LRMDA: variants seen among roughly 807,000 people sequenced by gnomAD.
The protein encoded by LRMDA is leucine-rich melanocyte differentiation-associated protein.
A neutral mutation model predicts 29.8 loss-of-function variants in LRMDA; 18 were observed. That is an observed-to-expected ratio of 0.60 (90% confidence interval 0.42 to 0.90). The LOEUF (loss-of-function observed/expected upper bound fraction) is 0.90. Among genes scored for constraint, LRMDA ranks in the 40% least tolerant of loss-of-function variants. LRMDA has a pLI of 0.00. For missense variants in LRMDA, 273 were observed against 273.9 expected (o/e 1.00, Z 0.02); for synonymous variants, 125 against 109.4 (o/e 1.14, Z -0.89).
intron 2 of LRMDA, among the ~76,000 whole-genome samples, chr10:75,604,373 C>T (rs879859127): frequency 1.3e-5 from 2 of 152,096 alleles, no homozygotes; most frequent in Non-Finnish European, 2.9e-5. Flanking sequence ...GGCCAGAATG[C>T]TTTTCAGACC....
At chr10:75,754,451 A>G (rs1030065919) in intron 2 of LRMDA, among the ~76,000 whole-genome samples, 30 of 152,258 alleles carry the variant, frequency 2.0e-4, no homozygotes, top group Admixed American at 6.5e-5. Context: ...CCCAGCATAT[A>G]ATACAAGTTG....
chr10:76,532,590 A>G (rs1589227461), intron 6 of LRMDA, among the ~76,000 whole-genome samples: 1 of 152,160 alleles, frequency 6.6e-6, no homozygotes, highest in Non-Finnish European at 1.5e-5. Flanking sequence ...TGGTTGTGTG[A>G]TGGGTAGTGC....
intron 2 of LRMDA, among the ~76,000 whole-genome samples, chr10:76,029,884 C>T (rs1441284660): frequency 3.3e-5 from 5 of 152,082 alleles, no homozygotes; most frequent in Admixed American, 3.3e-4. Context: ...AGTCATGTAA[C>T]CACTACTTCT....
At chr10:76,174,272 C>T (rs1850892196) in intron 5 of LRMDA, among the ~76,000 whole-genome samples, 1 of 151,860 alleles carries the variant, frequency 6.6e-6, no homozygotes, top group East Asian at 1.9e-4. Flanking sequence ...TATACACCTA[C>T]CATTACCCAC....
chr10:75,710,264 C>G (rs1295668944), intron 2 of LRMDA, among the ~76,000 whole-genome samples: 1 of 152,196 alleles, frequency 6.6e-6, no homozygotes, highest in Non-Finnish European at 1.5e-5. Context: ...CAGCAGGCCC[C>G]AAAGTGTCAT....
At chr10:76,386,852 G>A (rs995198794) in intron 6 of LRMDA, among the ~76,000 whole-genome samples, 19 of 151,880 alleles carry the variant, frequency 1.3e-4, no homozygotes, top group African/African-American at 3.6e-4. Flanking sequence ...GAGCTTTTAC[G>A]AGTTCTACTG....
chr10:75,971,053 A>G (rs891131171), intron 2 of LRMDA, among the ~76,000 whole-genome samples: 1 of 152,176 alleles, frequency 6.6e-6, no homozygotes, highest in Non-Finnish European at 1.5e-5. Flanking sequence ...TGTGAAAACC[A>G]GGACCCAGGC....
At chr10:76,461,402 A>G (rs78380918) in intron 6 of LRMDA, among the ~76,000 whole-genome samples, 4,371 of 152,220 alleles carry the variant, frequency 0.029, 159 homozygotes, top group African/African-American at 0.078. Flanking sequence ...TCAGTCAGGG[A>G]GCAGGCTATG....
intron 2 of LRMDA, among the ~76,000 whole-genome samples, chr10:75,748,386 G>A (rs1444635744): frequency 1.3e-5 from 2 of 152,160 alleles, no homozygotes; most frequent in Admixed American, 6.5e-5. Flanking sequence ...AAACCCCCAT[G>A]CCTGGCCTGT....
At chr10:75,740,673 A>T (rs1472488006) in intron 2 of LRMDA, among the ~76,000 whole-genome samples, 1 of 152,160 alleles carries the variant, frequency 6.6e-6, no homozygotes, top group Non-Finnish European at 1.5e-5. Flanking sequence ...TTCAAATATC[A>T]GGCTCATGGC....
intron 2 of LRMDA, among the ~76,000 whole-genome samples, chr10:75,743,232 C>G (rs1466430674): frequency 6.6e-6 from 1 of 152,134 alleles, no homozygotes; most frequent in Admixed American, 6.5e-5. Context: ...AAGGCTTTGT[C>G]CTGATCCAAC....
intron 2 of LRMDA, among the ~76,000 whole-genome samples, chr10:75,493,754 G>A (rs1347560977): frequency 6.6e-6 from 1 of 152,116 alleles, no homozygotes; most frequent in Non-Finnish European, 1.5e-5. Flanking sequence ...TTTCAAGGAA[G>A]CTTTCTTTAT....
At chr10:76,241,696 C>T (rs1047594138) in intron 5 of LRMDA, among the ~76,000 whole-genome samples, 2 of 152,132 alleles carry the variant, frequency 1.3e-5, no homozygotes, top group Non-Finnish European at 2.9e-5. Context: ...CCTTGGGCTC[C>T]AGCAGTACAA....
At chr10:75,675,662 C>A (rs953153245) in intron 2 of LRMDA, among the ~76,000 whole-genome samples, 4 of 152,020 alleles carry the variant, frequency 2.6e-5, no homozygotes, top group African/African-American at 9.7e-5. Flanking sequence ...CTGCAGTAGA[C>A]CTGATTATAA....
At chr10:76,033,927 AC>A (rs1480791326) in intron 2 of LRMDA, among the ~76,000 whole-genome samples, 1 of 151,218 alleles carries the variant, frequency 6.6e-6, no homozygotes, top group Admixed American at 6.6e-5. Context: ...TTCCAAACAC[AC>A]CCCCAGGGTC....
In LRMDA at chr10:76,016,740, A is replaced by G. The variant is rs557963997; in HGVS notation, c.132-19268A>G. Among the ~76,000 whole-genome samples the G allele has an allele frequency of 8.5e-5, 13 of 152,350 alleles. No individual in the cohort carries two copies. The South Asian group carries it at 2.7e-3, about 32-fold the overall frequency. ...TACTTTTATAGTCTGAATGATGGTC[A>G]TCTTACACTAGGAATCAGAGGCCAG... On this transcript the variant is annotated intron_variant, in intron 2 of 6. Coordinates refer to ENST00000611255, the MANE Select transcript of LRMDA (RefSeq NM_001305581.2).
At chr10:75,675,220 C>G (rs1841945136) in intron 2 of LRMDA, among the ~76,000 whole-genome samples, 1 of 152,216 alleles carries the variant, frequency 6.6e-6, no homozygotes, top group South Asian at 2.1e-4. Context: ...CAAATACATA[C>G]TCAACACTGG....
chr10:76,008,938 A>G (rs1847724003), intron 2 of LRMDA, among the ~76,000 whole-genome samples: 1 of 152,144 alleles, frequency 6.6e-6, no homozygotes, highest in Non-Finnish European at 1.5e-5. Flanking sequence ...ATTTTTTTGC[A>G]GATGAAGAGC....
intron 2 of LRMDA, among the ~76,000 whole-genome samples, chr10:75,477,696 C>A (rs948866681): frequency 2.0e-5 from 3 of 152,222 alleles, no homozygotes; most frequent in South Asian, 4.1e-4. Context: ...CTGGGGCCCA[C>A]GAGGCTTGTA....
Sources: allele counts gnomAD v4.1 joint callset (sites outside exome capture counted in the v4.1 genomes callset), GRCh38; gene constraint gnomAD v4.1.1; transcripts MANE v1.5; gene names NCBI Gene and HGNC (gene_info 2026-07-23, HGNC 2026-07-21).